The following IL1RAPL1 variants were observed in gnomAD, a reference collection of about 807,000 sequenced individuals.
IL1RAPL1 encodes interleukin-1 receptor accessory protein-like 1.
A neutral mutation model predicts 48.4 loss-of-function variants in IL1RAPL1; 3 were observed. The ratio of observed to expected loss-of-function variants is 0.06; its 90% CI spans 0.03 to 0.16. The LOEUF is 0.16. Among genes scored for constraint, IL1RAPL1 ranks in the 10% least tolerant of loss-of-function variants. The pLI is 1.00. For missense variants in IL1RAPL1, 349 were observed against 530.6 expected, an observed-to-expected ratio of 0.66 and a Z score of 3.36; for synonymous variants, 185 against 187.7, an observed-to-expected ratio of 0.99 and a Z score of 0.12.
chrX:29,867,045 C>T (rs768592099), intron 6 of IL1RAPL1, among the ~76,000 whole-genome samples: 5 of 110,691 alleles, frequency 4.5e-5, no homozygotes, highest in East Asian at 5.7e-4. Context: ...CAGGATCACC[C>T]GGGCAACTTT....
chrX:28,882,610 T>G (rs1051366995), intron 2 of IL1RAPL1, among the ~76,000 whole-genome samples: 23 of 111,276 alleles, frequency 2.1e-4, no homozygotes, highest in Admixed American at 2.9e-4. Context: ...GCCATTGCAC[T>G]CCAGCGTGGG....
At chrX:29,935,345 A>G (rs1417844743) in intron 8 of IL1RAPL1, among the ~76,000 whole-genome samples, 1 of 111,433 alleles carries the variant, frequency 9.0e-6, no homozygotes, top group African/African-American at 3.3e-5. Flanking sequence ...TTTTGCCTGA[A>G]TCAATTATTA....
At chrX:28,693,692 A>T (rs1382143448) in intron 1 of IL1RAPL1, among the ~76,000 whole-genome samples, 1 of 112,007 alleles carries the variant, frequency 8.9e-6, no homozygotes, top group Non-Finnish European at 1.9e-5. Context: ...TAGGATTATT[A>T]GAGCGGCTAG....
intron 5 of IL1RAPL1, among the ~76,000 whole-genome samples, chrX:29,541,954 A>C (rs751863989): frequency 9.0e-6 from 1 of 111,485 alleles, no homozygotes; most frequent in African/African-American, 3.3e-5. Context: ...ACATAAAATT[A>C]AAAAATAATT....
At chrX:28,596,719 A>G (rs1245667763) in intron 1 of IL1RAPL1, among the ~76,000 whole-genome samples, 1 of 111,946 alleles carries the variant, frequency 8.9e-6, no homozygotes, top group African/African-American at 3.2e-5. Flanking sequence ...AATACAGTGT[A>G]AATGCTATGT....
intron 2 of IL1RAPL1, among the ~76,000 whole-genome samples, chrX:28,826,501 A>G (rs908561375): frequency 3.0e-4 from 33 of 111,238 alleles, no homozygotes; most frequent in African/African-American, 1.0e-3. Flanking sequence ...AAGTATCCAC[A>G]TTTTAGCCTC....
intron 6 of IL1RAPL1, among the ~76,000 whole-genome samples, chrX:29,695,990 G>A (rs988707828): frequency 3.6e-5 from 4 of 111,656 alleles, no homozygotes; most frequent in Non-Finnish European, 7.5e-5. Flanking sequence ...ATTTAAGTAC[G>A]TATTGGTCAG....
At chrX:29,900,944 T>C (rs1932484810) in intron 6 of IL1RAPL1, among the ~76,000 whole-genome samples, 1 of 111,944 alleles carries the variant, frequency 8.9e-6, no homozygotes, top group South Asian at 3.7e-4. Context: ...ATATTATTTC[T>C]CTCGATAAAT....
intron 2 of IL1RAPL1, among the ~76,000 whole-genome samples, chrX:29,221,379 A>G (rs1323915681): frequency 9.0e-6 from 1 of 111,176 alleles, no homozygotes; most frequent in Non-Finnish European, 1.9e-5. Flanking sequence ...AAAATCAGAT[A>G]GAAGTGTATT....
intron 5 of IL1RAPL1, among the ~76,000 whole-genome samples, chrX:29,613,984 T>C (rs189903684): frequency 0.01 from 1,114 of 109,244 alleles, 11 homozygotes; most frequent in African/African-American, 0.034. Context: ...AGGATGGTCT[T>C]GATCTCCTGA....
intron 8 of IL1RAPL1, among the ~76,000 whole-genome samples, chrX:29,931,796 G>A (rs2147246320): frequency 8.9e-6 from 1 of 111,930 alleles, no homozygotes; most frequent in Non-Finnish European, 1.9e-5. Context: ...ACCCTCTTGA[G>A]GAAAATTGCT....
chrX:29,036,215 T>A (rs1275757176), intron 2 of IL1RAPL1, among the ~76,000 whole-genome samples: 1 of 112,414 alleles, frequency 8.9e-6, no homozygotes, highest in East Asian at 2.8e-4. Flanking sequence ...AAAGAACACA[T>A]GCCATCTTCC....
Position 29,597,844 on chromosome X carries a change from T to G in IL1RAPL1, c.704-70586T>G, listed in dbSNP as rs368181281. On this transcript the variant is annotated intron_variant, in intron 5 of 10. Transcript: ENST00000378993. ...GTGTTCATAGTAGCCTTGAATAATC[T>G]TCTGTATTTCTGTGGTATCAGTAGT... is the stretch of plus-strand genomic sequence containing the variant. Among the ~76,000 whole-genome samples, 19 of 112,471 alleles carry G rather than the reference T, an allele frequency of 1.7e-4. No homozygotes were observed. In the East Asian group the frequency reaches 3.6e-3, roughly 21 times the overall value.
chrX:29,643,904 G>GTT (rs906703406), intron 5 of IL1RAPL1, among the ~76,000 whole-genome samples: 1 of 111,717 alleles, frequency 9.0e-6, no homozygotes, highest in African/African-American at 3.3e-5. Context: ...TGTGTCAGGC[G>GTT]TAATACCCGC....
chrX:28,673,645 T>G (rs1934969618), intron 1 of IL1RAPL1, among the ~76,000 whole-genome samples: 1 of 111,265 alleles, frequency 9.0e-6, no homozygotes, highest in African/African-American at 3.3e-5. Flanking sequence ...GCAGCACTGG[T>G]CCTCTGAAAG....
chrX:29,141,750 A>G (rs761692746), intron 2 of IL1RAPL1, among the ~76,000 whole-genome samples: 3 of 111,933 alleles, frequency 2.7e-5, no homozygotes, highest in Non-Finnish European at 3.8e-5. Context: ...TAAATGTTCC[A>G]TAGTTCTTTA....
intron 6 of IL1RAPL1, among the ~76,000 whole-genome samples, chrX:29,901,167 A>C (rs1221994742): frequency 8.9e-6 from 1 of 111,881 alleles, no homozygotes; most frequent in Non-Finnish European, 1.9e-5. Flanking sequence ...TGACCAGGAA[A>C]TTGCACACAT....
At chrX:28,615,358 A>G (rs1326256381) in intron 1 of IL1RAPL1, among the ~76,000 whole-genome samples, 3 of 108,637 alleles carry the variant, frequency 2.8e-5, no homozygotes, top group Non-Finnish European at 3.8e-5. Context: ...TATTAGCAAT[A>G]TATTATAGTT....
chrX:28,918,554 G>A (rs1366460949), intron 2 of IL1RAPL1, among the ~76,000 whole-genome samples: 1 of 112,136 alleles, frequency 8.9e-6, no homozygotes, highest in Non-Finnish European at 1.9e-5. Flanking sequence ...ACAAGTTGGA[G>A]GACTGATCAC....
Sources: gnomAD v4.1 joint callset for allele counts (sites outside exome capture counted in the v4.1 genomes callset) on GRCh38, gnomAD v4.1.1 for gene constraint, MANE v1.5 for transcripts, NCBI Gene and HGNC (gene_info 2026-07-23, HGNC 2026-07-21) for gene names.